STON2: variants seen among roughly 807,000 people sequenced by gnomAD.
The protein encoded by STON2 is stonin 2, also known as stonin-2.
A neutral mutation model predicts 65.7 loss-of-function variants in STON2; 29 were observed. The ratio of observed to expected loss-of-function variants is 0.44; its 90% CI spans 0.33 to 0.60. The LOEUF (loss-of-function observed/expected upper bound fraction) is 0.60, where lower values mean the gene tolerates loss of function less well. Among genes scored for constraint, STON2 ranks in the 20% least tolerant of loss-of-function variants. The pLI is 0.03. For synonymous variants in STON2, 404 were observed against 414.2 expected (o/e 0.98, Z 0.30); for missense variants, 1,054 against 1,118.1 (o/e 0.94, Z 0.82).
chr14:81,269,742 T>G (rs1894497771), intron 7 of STON2: 1 of 985,302 alleles, frequency 1.0e-6, no homozygotes, highest in Non-Finnish European at 1.2e-6. Context: ...GCAAAATCCT[T>G]CTTTAACAAA....
chr14:81,387,060 G>C (rs962649529), intron 3 of STON2, among the ~76,000 whole-genome samples: 5 of 151,960 alleles, frequency 3.3e-5, no homozygotes, highest in African/African-American at 9.7e-5. Context: ...ATTGGCTAAA[G>C]GACTCAACGT....
intron 4 of STON2, among the ~76,000 whole-genome samples, chr14:81,356,160 T>C (rs1898220877): frequency 6.6e-6 from 1 of 152,228 alleles, no homozygotes; most frequent in Non-Finnish European, 1.5e-5. Context: ...TAGATAGCTC[T>C]TATTATTTTG....
In STON2 at chr14:81,278,461, T is replaced by C. The variant is rs1894964451; in HGVS notation, c.1021A>G (p.Met341Val). The C allele has an allele frequency of 6.2e-7, 1 of 1,614,106 alleles. No individual in the cohort carries two copies. The highest frequency in any genetic ancestry group is 1.1e-5 in the South Asian group (1 of 91,088). ...KKRDRPKSTL[M>V]NFSKVQKLDI... ...AGCTTCTGAACTTTGGAGAAGTTCA[T>C]CAAAGTGCTCTTGGGACGGTCCCTC... The change falls in exon 6 of 8, where the codon ATG becomes GTG. Residue 341 changes from methionine (M) to valine (V), a missense_variant. Met to Val is a conservative substitution (Grantham distance 21, BLOSUM62 1). Transcript: ENST00000614646.
At chr14:81,413,649 A>G (rs1347862501) in intron 2 of STON2, among the ~76,000 whole-genome samples, 1 of 138,214 alleles carries the variant, frequency 7.2e-6, no homozygotes, top group African/African-American at 3.0e-5. Flanking sequence ...CAAAAAAATT[A>G]GCCTGGCATG....
chr14:81,417,756 T>C (rs1423743435), intron 2 of STON2, among the ~76,000 whole-genome samples: 1 of 152,122 alleles, frequency 6.6e-6, no homozygotes, highest in Admixed American at 6.5e-5. Context: ...ATGAATAGGT[T>C]ATCAACAGGG....
intron 2 of STON2, among the ~76,000 whole-genome samples, chr14:81,423,735 C>G (rs1408808430): frequency 6.6e-6 from 1 of 152,162 alleles, no homozygotes; most frequent in Admixed American, 6.5e-5. Flanking sequence ...TGCACAGGGG[C>G]CCCTGGCTGA....
At chr14:81,308,776 T>C in intron 5 of STON2, among the ~76,000 whole-genome samples, 1 of 24,596 alleles carries the variant, frequency 4.1e-5, no homozygotes, top group Non-Finnish European at 7.4e-5. Context: ...GGACATGGTT[T>C]TACCCATATA....
chr14:81,303,455 G>A (rs189233524), intron 5 of STON2, among the ~76,000 whole-genome samples: 1 of 152,216 alleles, frequency 6.6e-6, no homozygotes, highest in Non-Finnish European at 1.5e-5. Flanking sequence ...CAGTGGCCCT[G>A]ACAGGCAGAA....
intron 4 of STON2, among the ~76,000 whole-genome samples, chr14:81,336,389 G>C (rs1225142619): frequency 6.6e-6 from 1 of 152,038 alleles, no homozygotes; most frequent in Non-Finnish European, 1.5e-5. Context: ...CTAAGTGGGA[G>C]AGTGAGGGCT....
intron 1 of STON2, among the ~76,000 whole-genome samples, chr14:81,431,855 G>A (rs1419356452): frequency 6.6e-6 from 1 of 151,948 alleles, no homozygotes; most frequent in Non-Finnish European, 1.5e-5. Flanking sequence ...TGAGGCAGGA[G>A]AATCCCTTGA....
intron 3 of STON2, among the ~76,000 whole-genome samples, chr14:81,378,964 C>T (rs1181723128): frequency 7.0e-6 from 1 of 143,512 alleles, no homozygotes; most frequent in Admixed American, 6.7e-5. Flanking sequence ...CTTAATTAAC[C>T]CTTGGAGATT....
chr14:81,280,126 G>A (rs892871200), intron 5 of STON2, among the ~76,000 whole-genome samples: 2 of 151,980 alleles, frequency 1.3e-5, no homozygotes, highest in Non-Finnish European at 2.9e-5. Flanking sequence ...TTTCCATCTC[G>A]AAGTTTATTT....
chr14:81,295,852 T>C (rs1895741509), intron 5 of STON2, among the ~76,000 whole-genome samples: 2 of 152,204 alleles, frequency 1.3e-5, no homozygotes, highest in African/African-American at 4.8e-5. Flanking sequence ...AGTTATATGT[T>C]AGAAAATTTG....
intron 5 of STON2, among the ~76,000 whole-genome samples, chr14:81,314,872 C>T (rs1172378880): frequency 2.0e-5 from 3 of 151,830 alleles, no homozygotes; most frequent in South Asian, 4.2e-4. Flanking sequence ...TTTTTAGAGA[C>T]GGGGGTATTA....
chr14:81,264,210 A>G lies in STON2; in HGVS notation c.*4204T>C. ...ATGTTTTTCAATGTGAATGAGGTAC[A>G]TTGTAGTTCAAATTCAGCAGCATAT... On this transcript the variant is annotated 3_prime_UTR_variant, in exon 8 of 8. Transcript: ENST00000614646. 1 of 985,468 alleles carries G rather than the reference A, an allele frequency of 1.0e-6. No individual in the cohort carries two copies. Among genetic ancestry groups the G allele is most frequent in the Non-Finnish European group, 1.2e-6 (1 of 829,942 alleles). 61.0% of individuals were successfully genotyped at this position (985,468 alleles called of 1,614,324 possible).
At chr14:81,323,973 G>A (rs1049008871) in intron 5 of STON2, among the ~76,000 whole-genome samples, 44 bp downstream of exon 5, 1 of 152,142 alleles carries the variant, frequency 6.6e-6, no homozygotes, top group African/African-American at 2.4e-5. Context: ...CAACACCAAA[G>A]CAAATAAAAT....
chr14:81,368,739 T>G (rs368851703), intron 4 of STON2, among the ~76,000 whole-genome samples: 1 of 152,050 alleles, frequency 6.6e-6, no homozygotes, highest in South Asian at 2.1e-4. Flanking sequence ...AAAAAGAGGA[T>G]GGTTGCCAAA....
chr14:81,410,278 C>CAAAAAAAAAAAAAAAAAAAAAAAAAAA (rs1161157573), intron 2 of STON2, among the ~76,000 whole-genome samples: 3 of 45,798 alleles, frequency 6.6e-5, no homozygotes, highest in East Asian at 6.2e-4. Flanking sequence ...TAACTCTAAC[C>CAAAAAAAAAAAAAAAAAAAAAAAAAAA]AAAAAAAAAA....
In STON2 at chr14:81,270,793, G is replaced by C. The variant is rs759279720; in HGVS notation, c.2661C>G (p.His887Gln). The C allele has an allele frequency of 6.2e-7, 1 of 1,614,148 alleles. No individual in the cohort carries two copies. The stretch of plus-strand genomic sequence containing the variant: ...TGGGCATGCTGAACTCGACATTCAC[G>C]TGATTGGCAAATCTGGAAGGCACTT... ...DREVPSRFAN[H>Q]VNVEFSMPTT... is the part of the protein sequence containing the mutation. Residue 887 changes from histidine to glutamine, a missense_variant, in exon 7 of 8, where the codon CAC becomes CAG. His to Gln is a conservative substitution (Grantham distance 24). Coordinates refer to ENST00000614646, the MANE Select transcript of STON2 (RefSeq NM_001394390.1).
Sources: allele counts gnomAD v4.1 joint callset (sites outside exome capture counted in the v4.1 genomes callset), GRCh38; gene constraint gnomAD v4.1.1; transcripts MANE v1.5; gene names NCBI Gene and HGNC (gene_info 2026-07-23, HGNC 2026-07-21).